The following RALYL variants were observed in gnomAD, a reference collection of about 807,000 sequenced individuals.
The protein encoded by RALYL is RNA-binding Raly-like protein.
In RALYL, 29 loss-of-function variants were observed where a neutral mutation model predicts 35.1. The ratio of observed to expected loss-of-function variants is 0.83; its 90% CI spans 0.61 to 1.13. RALYL has a LOEUF of 1.13. Ranked by LOEUF, RALYL falls within the 50% of genes most tolerant of loss-of-function variation. The pLI, the probability that RALYL is intolerant of heterozygous loss-of-function variation, is 0.00. For missense variants in RALYL, 359 were observed against 360.4 expected (o/e 1.00, Z 0.03); for synonymous variants, 120 against 127.6 (o/e 0.94, Z 0.40).
intron 3 of RALYL, among the ~76,000 whole-genome samples, chr8:84,786,882 A>G (rs1255601753): frequency 6.6e-6 from 1 of 152,146 alleles, no homozygotes; most frequent in African/African-American, 2.4e-5. Context: ...GCTTTTGGTT[A>G]AAAGGAATTA....
At chr8:84,640,836 TAA>T (rs1377778050) in intron 2 of RALYL, among the ~76,000 whole-genome samples, 1 of 151,962 alleles carries the variant, frequency 6.6e-6, no homozygotes, top group African/African-American at 2.4e-5. Context: ...TGAATTTTAT[TAA>T]GAGCCAATTA....
intron 2 of RALYL, among the ~76,000 whole-genome samples, chr8:84,758,142 C>T (rs1345012234): frequency 2.0e-5 from 3 of 152,164 alleles, no homozygotes; most frequent in Non-Finnish European, 4.4e-5. Flanking sequence ...CAAATAAAAG[C>T]TGACTAAATT....
chr8:84,348,922 C>T (rs4349980), intron 1 of RALYL, among the ~76,000 whole-genome samples: 58,907 of 149,370 alleles, frequency 0.39, 13,686 homozygotes, highest in East Asian at 0.51. Flanking sequence ...GTGATTAACT[C>T]ACCTATGGTT....
intron 2 of RALYL, among the ~76,000 whole-genome samples, chr8:84,685,774 G>T (rs191672088): frequency 2.6e-5 from 4 of 152,150 alleles, no homozygotes; most frequent in Middle Eastern, 3.4e-3. Flanking sequence ...GACAATGTTT[G>T]TGTGTGTGTG....
intron 8 of RALYL, among the ~76,000 whole-genome samples, chr8:84,898,299 G>A (rs925841893): frequency 3.9e-5 from 6 of 152,160 alleles, no homozygotes; most frequent in Middle Eastern, 3.2e-3. Flanking sequence ...ACTGAAGTTC[G>A]AGAACCCTGA....
At chr8:84,695,642 G>A (rs1308998278) in intron 2 of RALYL, among the ~76,000 whole-genome samples, 1 of 151,682 alleles carries the variant, frequency 6.6e-6, no homozygotes. Context: ...TATATACTTA[G>A]TATTTGTTGC....
intron 1 of RALYL, among the ~76,000 whole-genome samples, chr8:84,504,733 T>C (rs2057013335): frequency 6.6e-6 from 1 of 152,128 alleles, no homozygotes; most frequent in African/African-American, 2.4e-5. Flanking sequence ...GATATGATGC[T>C]CCAGGGTTTT....
At chr8:84,699,058 G>GATAGA (rs1253776288) in intron 2 of RALYL, among the ~76,000 whole-genome samples, 2 of 126,366 alleles carry the variant, frequency 1.6e-5, no homozygotes, top group African/African-American at 5.9e-5. Context: ...AGATAGATAG[G>GATAGA]ATAAATAGAT....
intron 1 of RALYL, among the ~76,000 whole-genome samples, chr8:84,320,987 T>C (rs1446377945): frequency 2.6e-5 from 4 of 152,266 alleles, no homozygotes; most frequent in Admixed American, 2.0e-4. Context: ...TTTTCATTTT[T>C]TGGCATATTG....
intron 1 of RALYL, among the ~76,000 whole-genome samples, chr8:84,462,112 A>C (rs955615907): frequency 6.6e-6 from 1 of 151,330 alleles, no homozygotes; most frequent in African/African-American, 2.4e-5. Context: ...TGGTGTAATC[A>C]GTTTTTTTTT....
chr8:84,704,675 A>G (rs767961189), intron 2 of RALYL, among the ~76,000 whole-genome samples: 3 of 152,172 alleles, frequency 2.0e-5, no homozygotes, highest in Non-Finnish European at 4.4e-5. Context: ...GCAAGATATA[A>G]CCATAGGGGT....
chr8:84,714,267 A>G (rs904883454), intron 2 of RALYL, among the ~76,000 whole-genome samples: 1 of 151,800 alleles, frequency 6.6e-6, no homozygotes, highest in African/African-American at 2.4e-5. Flanking sequence ...AGGAAGGGCA[A>G]TGGAAACATG....
At chr8:84,239,214 A>G (rs1306098429) in intron 1 of RALYL, among the ~76,000 whole-genome samples, 1 of 152,222 alleles carries the variant, frequency 6.6e-6, no homozygotes, top group African/African-American at 2.4e-5. Context: ...TATAGAGAAC[A>G]GAAGAAACTC....
chr8:84,753,763 G>C (rs1276829133), intron 2 of RALYL, among the ~76,000 whole-genome samples: 1 of 152,108 alleles, frequency 6.6e-6, no homozygotes, highest in Non-Finnish European at 1.5e-5. Flanking sequence ...AAGCATGCTA[G>C]CATCATGCCC....
At chr8:84,235,155 T>C (rs1826230298) in intron 1 of RALYL, among the ~76,000 whole-genome samples, 1 of 152,230 alleles carries the variant, frequency 6.6e-6, no homozygotes, top group South Asian at 2.1e-4. Flanking sequence ...ACAATTGTTA[T>C]TCAAAGTTTG....
At chr8:84,382,810 G>T (rs1289758990) in intron 1 of RALYL, among the ~76,000 whole-genome samples, 1 of 151,456 alleles carries the variant, frequency 6.6e-6, no homozygotes, top group Non-Finnish European at 1.5e-5. Context: ...CATGCTTCAT[G>T]AAGCAAAAAG....
At chr8:84,603,482 A>G (rs1341783865) in intron 2 of RALYL, among the ~76,000 whole-genome samples, 3 of 152,222 alleles carry the variant, frequency 2.0e-5, no homozygotes, top group African/African-American at 7.2e-5. Flanking sequence ...TTGAGAAAAT[A>G]TTAAAAGAGT....
intron 1 of RALYL, among the ~76,000 whole-genome samples, chr8:84,369,767 G>A (rs1239440107): frequency 6.6e-6 from 1 of 152,110 alleles, no homozygotes. Flanking sequence ...AGTTTAAGTA[G>A]TTATAGGAAA....
chr8:84,535,491 A>T (rs1227728023), intron 2 of RALYL, among the ~76,000 whole-genome samples: 1 of 148,330 alleles, frequency 6.7e-6, no homozygotes, highest in East Asian at 2.0e-4. Context: ...GCTGGAGTGC[A>T]GTGGCGCTGT....
Sources: allele counts gnomAD v4.1 joint callset (sites outside exome capture counted in the v4.1 genomes callset), GRCh38; gene constraint gnomAD v4.1.1; transcripts MANE v1.5; gene names NCBI Gene and HGNC (gene_info 2026-07-23, HGNC 2026-07-21).